Variants in CYP7B1 observed in about 807,000 individuals in gnomAD.
CYP7B1 encodes the protein cytochrome P450 family 7 subfamily B member 1, also known as cytochrome P450 7B1.
Under a neutral mutation model 42.7 loss-of-function variants are expected in CYP7B1, and 29 were observed. The ratio of observed to expected loss-of-function variants is 0.68; its 90% CI spans 0.51 to 0.93. The LOEUF is 0.93. Among genes scored for constraint, CYP7B1 ranks in the 40% least tolerant of loss-of-function variants. The pLI is 0.00. For synonymous variants in CYP7B1, 235 were observed against 218.2 expected, an observed-to-expected ratio of 1.08 and a Z score of -0.68; for missense variants, 655 against 600.5, an observed-to-expected ratio of 1.09 and a Z score of -0.95.
chr8:64,604,920 T>C (rs759589194), intron 4 of CYP7B1, 63 bp from the exon 5 acceptor site: 92 of 1,542,894 alleles, frequency 6.0e-5, no homozygotes, highest in Non-Finnish European at 8.0e-5. Flanking sequence ...CTGCTCTCAG[T>C]TTGCAATAAA....
intron 1 of CYP7B1, among the ~76,000 whole-genome samples, chr8:64,651,064 G>C (rs1018330398): frequency 6.6e-6 from 1 of 152,210 alleles, no homozygotes; most frequent in African/African-American, 2.4e-5. Flanking sequence ...GAAGAAGGCT[G>C]AGACATCCAC....
chr8:64,733,131 C>A (rs1807438446), intron 1 of CYP7B1, among the ~76,000 whole-genome samples: 1 of 152,146 alleles, frequency 6.6e-6, no homozygotes, highest in Non-Finnish European at 1.5e-5. Context: ...TGAGAATGCA[C>A]TAATACAATA....
chr8:64,745,223 G>GT (rs1385222208), intron 1 of CYP7B1, among the ~76,000 whole-genome samples: 1 of 152,132 alleles, frequency 6.6e-6, no homozygotes, highest in Admixed American at 6.5e-5. Flanking sequence ...TGTTCATTTT[G>GT]TATGCTTCCA....
chr8:64,684,948 A>G (rs1585853842), intron 1 of CYP7B1, among the ~76,000 whole-genome samples: 1 of 152,230 alleles, frequency 6.6e-6, no homozygotes, highest in East Asian at 1.9e-4. Flanking sequence ...TCACCAGGAT[A>G]TGGAGAAATC....
intron 2 of CYP7B1, among the ~76,000 whole-genome samples, chr8:64,619,108 A>G (rs941758592): frequency 1.3e-5 from 2 of 152,186 alleles, no homozygotes; most frequent in African/African-American, 4.8e-5. Context: ...AAGTTTTCCA[A>G]AATTAATATT....
At chr8:64,792,037 G>A (rs1355986171) in intron 1 of CYP7B1, among the ~76,000 whole-genome samples, 3 of 152,160 alleles carry the variant, frequency 2.0e-5, no homozygotes, top group African/African-American at 7.2e-5. Context: ...GGCACTGCTG[G>A]TGAAGGCTCA....
intron 1 of CYP7B1, among the ~76,000 whole-genome samples, chr8:64,712,847 A>C (rs56318662): frequency 1.3e-3 from 196 of 152,002 alleles, no homozygotes; most frequent in African/African-American, 4.4e-3. Flanking sequence ...TGTGAGGCCG[A>C]AAGAGAGAAG....
At chr8:64,636,424 A>C (rs1326325556) in intron 1 of CYP7B1, among the ~76,000 whole-genome samples, 2 of 152,238 alleles carry the variant, frequency 1.3e-5, no homozygotes, top group Non-Finnish European at 2.9e-5. Context: ...CTCACACAGT[A>C]AGCATCAAAA....
intron 1 of CYP7B1, among the ~76,000 whole-genome samples, chr8:64,771,910 A>AC (rs1379617542): frequency 6.6e-6 from 1 of 152,208 alleles, no homozygotes; most frequent in Admixed American, 6.5e-5. Flanking sequence ...ACCTGGGGTG[A>AC]CCCTGCATCC....
At chr8:64,599,720 G>A (rs1563537991) in intron 5 of CYP7B1, among the ~76,000 whole-genome samples, 1 of 152,176 alleles carries the variant, frequency 6.6e-6, no homozygotes. Context: ...ACTGGTTTGG[G>A]ATAGAATTGT....
intron 1 of CYP7B1, among the ~76,000 whole-genome samples, chr8:64,645,693 A>T (rs1039044120): frequency 6.6e-6 from 1 of 152,208 alleles, no homozygotes; most frequent in African/African-American, 2.4e-5. Context: ...ATTGCAAAAA[A>T]CTACTTTAAA....
intron 1 of CYP7B1, among the ~76,000 whole-genome samples, chr8:64,796,485 A>G (rs1243853790): frequency 6.6e-6 from 1 of 152,232 alleles, no homozygotes; most frequent in Admixed American, 6.5e-5. Context: ...CAGTATTGGC[A>G]GAATGTGGAG....
chr8:64,783,782 C>T (rs201863092), intron 1 of CYP7B1, among the ~76,000 whole-genome samples: 2 of 152,068 alleles, frequency 1.3e-5, no homozygotes, highest in East Asian at 3.9e-4. Context: ...ATCAGTGTTA[C>T]TCAAAGTGCA....
At chr8:64,730,784 C>CACAT (rs1356637376) in intron 1 of CYP7B1, among the ~76,000 whole-genome samples, 2 of 151,764 alleles carry the variant, frequency 1.3e-5, no homozygotes, top group Non-Finnish European at 2.9e-5. Flanking sequence ...CACACACACA[C>CACAT]ACTCTGTATA....
At chr8:64,660,753 T>G (rs996456930) in intron 1 of CYP7B1, among the ~76,000 whole-genome samples, 1 of 152,146 alleles carries the variant, frequency 6.6e-6, no homozygotes, top group Admixed American at 6.5e-5. Flanking sequence ...GAGGGGAACA[T>G]ATGAGGCATG....
chr8:64,627,493 A>G (rs1439779121), intron 1 of CYP7B1, among the ~76,000 whole-genome samples: 1 of 152,200 alleles, frequency 6.6e-6, no homozygotes, highest in African/African-American at 2.4e-5. Flanking sequence ...ATGTTGCTTG[A>G]ATGTTGCATT....
At chr8:64,588,703 C>T (rs536217886), downstream of CYP7B1, among the ~76,000 whole-genome samples, 83 of 152,348 alleles carry the variant, frequency 5.4e-4, no homozygotes, top group Middle Eastern at 6.8e-3. Context: ...AATAATAAAT[C>T]ATGCATTGTC....
intron 5 of CYP7B1, among the ~76,000 whole-genome samples, chr8:64,603,062 T>G (rs928058892): frequency 2.6e-5 from 4 of 152,106 alleles, no homozygotes; most frequent in Non-Finnish European, 5.9e-5. Context: ...ATCTAGTAAA[T>G]AATAGAGAGT....
chr8:64,797,621 G>A (rs1250388929), intron 1 of CYP7B1, among the ~76,000 whole-genome samples: 1 of 152,082 alleles, frequency 6.6e-6, no homozygotes, highest in East Asian at 1.9e-4. Flanking sequence ...AAACTATTGA[G>A]AAACAACCTG....
Sources: gnomAD v4.1 joint callset for allele counts (sites outside exome capture counted in the v4.1 genomes callset) on GRCh38, gnomAD v4.1.1 for gene constraint, MANE v1.5 for transcripts, NCBI Gene and HGNC (gene_info 2026-07-23, HGNC 2026-07-21) for gene names.